The following PRKAR1A variants were observed in gnomAD, a reference collection of about 807,000 sequenced individuals.
PRKAR1A encodes cAMP-dependent protein kinase type I-alpha regulatory subunit.
A neutral mutation model predicts 52.0 loss-of-function variants in PRKAR1A; 3 were observed. That is an observed-to-expected ratio of 0.06 (90% confidence interval 0.03 to 0.15). PRKAR1A has a LOEUF of 0.15. PRKAR1A is among the 10% of genes least tolerant of loss of function. The pLI, the probability that PRKAR1A is intolerant of heterozygous loss-of-function variation, is 1.00. For missense variants in PRKAR1A, 240 were observed against 477.4 expected (o/e 0.50, Z 4.63); for synonymous variants, 188 against 168.4 (o/e 1.12, Z -0.90).
chr17:68,462,253 T>C, the PRKAR1A span, among the ~76,000 whole-genome samples: 5 of 152,234 alleles, frequency 3.3e-5, no homozygotes, highest in Non-Finnish European at 5.9e-5. Context: ...AGGTTCTCAA[T>C]AAATGCTTGC....
At chr17:68,502,732 A>C in the PRKAR1A span, among the ~76,000 whole-genome samples, 1 of 149,950 alleles carries the variant, frequency 6.7e-6, no homozygotes, top group African/African-American at 2.5e-5. Context: ...AGCCTGGGCA[A>C]CAAGAGCGAA....
chr17:68,539,301 T>A, intron 11 of PRKAR1A: 6 of 1,610,878 alleles, frequency 3.7e-6, no homozygotes, highest in Non-Finnish European at 4.2e-6. Flanking sequence ...GTCACAACTG[T>A]TACTTGCCCG....
At chr17:68,493,123 G>A in the PRKAR1A span, among the ~76,000 whole-genome samples, 1 of 149,528 alleles carries the variant, frequency 6.7e-6, no homozygotes, top group Non-Finnish European at 1.5e-5. Flanking sequence ...ACACATTGGG[G>A]CCTGTCAGAG....
At chr17:68,495,997 TCCTCCCCTCC>T in the PRKAR1A span, among the ~76,000 whole-genome samples, 2 of 3,428 alleles carry the variant, frequency 5.8e-4, no homozygotes, top group African/African-American at 2.1e-3. Context: ...TCCTCTCCTC[TCCTCCCCTCC>T]CCTCCCCTGC....
At chr17:68,441,551 A>G in the PRKAR1A span, among the ~76,000 whole-genome samples, 4 of 152,218 alleles carry the variant, frequency 2.6e-5, no homozygotes, top group Non-Finnish European at 5.9e-5. Flanking sequence ...TGGGGAATGT[A>G]TAATTGGCAG....
chr17:68,426,043 G>A, the PRKAR1A span: 1 of 1,590,440 alleles, frequency 6.3e-7, no homozygotes, highest in Non-Finnish European at 8.6e-7. Context: ...CACACAGACT[G>A]AGCCGCCCAG....
At chr17:68,437,587 G>C in the PRKAR1A span, among the ~76,000 whole-genome samples, 1 of 151,880 alleles carries the variant, frequency 6.6e-6, no homozygotes, top group Non-Finnish European at 1.5e-5. Flanking sequence ...CAATTTCTGA[G>C]CCAAATGCCC....
the PRKAR1A span, among the ~76,000 whole-genome samples, chr17:68,415,812 T>A: frequency 1.3e-5 from 2 of 151,990 alleles, no homozygotes; most frequent in African/African-American, 4.8e-5. Flanking sequence ...TAAAGTTGGT[T>A]TTGTCTGATA....
chr17:68,492,820 G>T, the PRKAR1A span, among the ~76,000 whole-genome samples: 1 of 152,038 alleles, frequency 6.6e-6, no homozygotes, highest in African/African-American at 2.4e-5. Flanking sequence ...CTCCATCCAG[G>T]TCCCTACAAA....
In PRKAR1A at chr17:68,542,110, A is replaced by G. The variant is rs374633547; in HGVS notation, c.974-8974A>G. ...CCAGCAGGTGTGGGTTGCCACAGACAGCATACTCCGTCTTGCACATGTATG... is the reference window on the plus strand; with the variant it reads ...CCAGCAGGTGTGGGTTGCCACAGACGGCATACTCCGTCTTGCACATGTATG... On this transcript the variant is annotated intron_variant, in intron 11 of 11. Coordinates refer to the PRKAR1A transcript ENST00000585981. The G allele has an allele frequency of 1.9e-4, 303 of 1,614,024 alleles. No individual in the cohort carries two copies. The highest frequency in any genetic ancestry group is 2.4e-4 in the Non-Finnish European group (289 of 1,180,030).
chr17:68,422,755 A>T, the PRKAR1A span: 1 of 146,412 alleles, frequency 6.8e-6, no homozygotes, highest in East Asian at 2.0e-4. Context: ...AAAAAAAAAA[A>T]GGGAAGGTCA....
At chr17:68,421,823 A>G in the PRKAR1A span, 1 of 1,614,194 alleles carries the variant, frequency 6.2e-7, no homozygotes, top group East Asian at 2.2e-5. Flanking sequence ...AAGATTATCT[A>G]CCAAAATCAA....
the PRKAR1A span, among the ~76,000 whole-genome samples, chr17:68,484,053 T>C: frequency 1.3e-5 from 2 of 152,210 alleles, no homozygotes; most frequent in Non-Finnish European, 2.9e-5. Context: ...TTTGTTATTC[T>C]AGGTATTTGT....
the PRKAR1A span, chr17:68,450,933 G>A: frequency 1.6e-5 from 26 of 1,587,256 alleles, no homozygotes; most frequent in South Asian, 2.0e-4. Flanking sequence ...TACATGGATT[G>A]ATCACTTCCA....
chr17:68,425,954 G>T, the PRKAR1A span: 1 of 742,530 alleles, frequency 1.3e-6, no homozygotes, highest in Non-Finnish European at 2.3e-6. Context: ...AAATACTAGA[G>T]CAGAGAATTA....
At chr17:68,510,582 G>A (rs2085251010), upstream of PRKAR1A, among the ~76,000 whole-genome samples, 1 of 152,062 alleles carries the variant, frequency 6.6e-6, no homozygotes, top group Admixed American at 6.5e-5. Context: ...AACATGACCG[G>A]GCCTGCTCAA....
At chr17:68,527,390 A>G (rs745566144) in intron 7 of PRKAR1A, among the ~76,000 whole-genome samples, 1 of 152,206 alleles carries the variant, frequency 6.6e-6, no homozygotes, top group Non-Finnish European at 1.5e-5. Context: ...TGGGTTGTAA[A>G]TGACCTAGAT....
chr17:68,451,126 C>G, the PRKAR1A span, among the ~76,000 whole-genome samples: 1 of 152,236 alleles, frequency 6.6e-6, no homozygotes, highest in Non-Finnish European at 1.5e-5. Context: ...TTCCAAATAT[C>G]TAAAGTAAAG....
rs151217990 is a variant in PRKAR1A at position 68,533,418 on chromosome 17, G to A, written c.*2969G>A. On this transcript the variant is annotated 3_prime_UTR_variant, in exon 11 of 11. Coordinates refer to ENST00000589228, the MANE Select transcript of PRKAR1A (RefSeq NM_002734.5). Reference sequence around the variant, plus strand: ...GAAACCTTTAGAGTCACAATAAAATGTAACTAAAGAAAATTTCTCTGGGTT... The same window carrying A: ...GAAACCTTTAGAGTCACAATAAAATATAACTAAAGAAAATTTCTCTGGGTT... The A allele has an allele frequency of 6.1e-4, 644 of 1,057,096 alleles. 4 individuals carry two copies. The highest frequency in any genetic ancestry group is 5.9e-3 in the African/African-American group (357 of 60,706). The allele number at this position is 1,057,096 out of a possible 1,614,324, so 65.5% of individuals were successfully genotyped here.
Sources: gnomAD v4.1 joint callset for allele counts (sites outside exome capture counted in the v4.1 genomes callset) on GRCh38, gnomAD v4.1.1 for gene constraint, MANE v1.5 for transcripts, NCBI Gene and HGNC (gene_info 2026-07-23, HGNC 2026-07-21) for gene names.